The following SSPN variants were observed in gnomAD, a reference collection of about 807,000 sequenced individuals.
The protein encoded by SSPN is sarcospan.
Under a neutral mutation model 19.1 loss-of-function variants are expected in SSPN, and 15 were observed. That is an observed-to-expected ratio of 0.78 (90% confidence interval 0.52 to 1.21). The LOEUF (loss-of-function observed/expected upper bound fraction) is 1.21. SSPN is among the 50% of genes most tolerant of loss of function. The pLI, the probability that SSPN is intolerant of heterozygous loss-of-function variation, is 0.00. For synonymous variants in SSPN, 147 were observed against 140.3 expected, an observed-to-expected ratio of 1.05 and a Z score of -0.34; for missense variants, 291 against 314.0, an observed-to-expected ratio of 0.93 and a Z score of 0.55.
chr12:26,227,767 A>G (rs1945192287), intron 2 of SSPN, among the ~76,000 whole-genome samples: 1 of 152,222 alleles, frequency 6.6e-6, no homozygotes, highest in African/African-American at 2.4e-5. Context: ...TCATCATGCC[A>G]AGTTTACAGA....
intron 1 of SSPN, among the ~76,000 whole-genome samples, chr12:26,135,918 G>C (rs1944422509): frequency 6.6e-6 from 1 of 152,032 alleles, no homozygotes; most frequent in Admixed American, 6.6e-5. Context: ...TAGAAATTCT[G>C]CTTCAGACAT....
chr12:26,231,653 A>T lies in SSPN; in HGVS notation c.*577A>T, dbSNP rs1213640615. ...AGGCTTTGCAAAAGGCTAGATAACT[A>T]ACAACACCTGGGTTGGGGCGGCGGC... On this transcript the variant is annotated 3_prime_UTR_variant, in exon 3 of 3. Coordinates refer to ENST00000242729, the MANE Select transcript of SSPN (RefSeq NM_005086.5). 5 of 153,364 alleles carry T rather than the reference A, an allele frequency of 3.3e-5. No homozygotes were observed. The highest frequency in any genetic ancestry group is 2.9e-5 in the Non-Finnish European group (2 of 69,044). 9.5% of individuals were successfully genotyped at this position (153,364 alleles called of 1,614,324 possible).
intron 1 of SSPN, among the ~76,000 whole-genome samples, chr12:26,143,970 C>G (rs1038741961): frequency 1.3e-5 from 2 of 152,216 alleles, no homozygotes; most frequent in East Asian, 3.8e-4. Flanking sequence ...CCATCACCCC[C>G]ACATGGGACC....
chr12:26,232,251 T>A lies in SSPN; in HGVS notation c.*1175T>A. On this transcript the variant is annotated 3_prime_UTR_variant, in exon 3 of 3. Transcript: ENST00000242729. ...TAGTCAACCTAGGAAATCAAAATAA[T>A]GTTTTGAAGTTCTTATTTGAGCAAT... 1.0e-6 allele frequency: 1 copy of A among 985,424 alleles called. No individual in the cohort carries two copies. Among genetic ancestry groups the A allele is most frequent in the Non-Finnish European group, 1.2e-6 (1 of 829,918 alleles). 61.0% of individuals were successfully genotyped at this position (985,424 alleles called of 1,614,324 possible).
rs983760042 is a variant in SSPN at position 26,232,067 on chromosome 12, T to C, written c.*991T>C. The C allele has an allele frequency of 1.8e-5, 18 of 985,312 alleles. No homozygotes were observed. In the Admixed American group the frequency reaches 2.5e-4, roughly 13 times the overall value. 61.0% of individuals were successfully genotyped at this position (985,312 alleles called of 1,614,324 possible). A position where few individuals can be genotyped will look rare whatever the true frequency, so the allele number is the denominator to read the frequency against. On this transcript the variant is annotated 3_prime_UTR_variant, in exon 3 of 3. Transcript: ENST00000242729. ...ACCCATTTAAACAAAAACAAGAGCA[T>C]TTGTAATAGGAAGTGTTTATACAAA...
At chr12:26,184,263 T>C (rs1382566774) in intron 1 of SSPN, among the ~76,000 whole-genome samples, 1 of 152,232 alleles carries the variant, frequency 6.6e-6, no homozygotes, top group East Asian at 1.9e-4. Context: ...TACAACAACA[T>C]ATTTTAAGTG....
chr12:26,132,691 G>A (rs1379916377), intron 1 of SSPN, among the ~76,000 whole-genome samples: 1 of 152,108 alleles, frequency 6.6e-6, no homozygotes, highest in East Asian at 1.9e-4. Context: ...CCCCTTCCAA[G>A]CATATACAAT....
At chr12:26,226,667 C>T (rs1479023955) in intron 2 of SSPN, among the ~76,000 whole-genome samples, 1 of 152,154 alleles carries the variant, frequency 6.6e-6, no homozygotes, top group Non-Finnish European at 1.5e-5. Flanking sequence ...CGCTTCCTGC[C>T]TTTCCTAGTG....
At chr12:26,218,623 G>A (rs556708022) in intron 1 of SSPN, among the ~76,000 whole-genome samples, 1 of 152,172 alleles carries the variant, frequency 6.6e-6, no homozygotes, top group Admixed American at 6.5e-5. Context: ...CTTACCATAA[G>A]GCAGTGGCAA....
rs773262584 is a variant in SSPN at position 26,232,718 on chromosome 12, T to A, written c.*1642T>A. 1 of 984,602 alleles carries A rather than the reference T, an allele frequency of 1.0e-6. No homozygotes were observed. 61.0% of individuals were successfully genotyped at this position (984,602 alleles called of 1,614,324 possible). ...GCTAGAGGATTGTAAATATCTTTTATGTCCTCTAGATAAAACACCCGATTA... is the reference window on the plus strand; with the variant it reads ...GCTAGAGGATTGTAAATATCTTTTAAGTCCTCTAGATAAAACACCCGATTA... On this transcript the variant is annotated 3_prime_UTR_variant, in exon 3 of 3. Transcript: ENST00000242729.
chr12:26,222,840 G>A (rs74511344), intron 1 of SSPN, among the ~76,000 whole-genome samples: 1,744 of 152,250 alleles, frequency 0.011, 28 homozygotes, highest in African/African-American at 0.04. Flanking sequence ...CATGTCCACC[G>A]TCTTTTTGTC....
intron 1 of SSPN, among the ~76,000 whole-genome samples, chr12:26,196,701 C>T (rs1171718940): frequency 6.6e-6 from 1 of 152,196 alleles, no homozygotes; most frequent in Non-Finnish European, 1.5e-5. Context: ...CTACTGTGTG[C>T]TCGCCCTGCT....
At chr12:26,123,998 A>G in intron 1 of SSPN, 1 of 1,055,190 alleles carries the variant, frequency 9.5e-7, no homozygotes, top group Non-Finnish European at 1.5e-6. Flanking sequence ...ATTTATTCTT[A>G]TATTTTCTGG....
At chr12:26,204,263 C>T (rs1005549349) in intron 1 of SSPN, among the ~76,000 whole-genome samples, 1 of 152,118 alleles carries the variant, frequency 6.6e-6, no homozygotes, top group Non-Finnish European at 1.5e-5. Context: ...CGGCTCCGTG[C>T]TCATGCCAGT....
chr12:26,124,068 T>A, intron 1 of SSPN: 1 of 1,579,988 alleles, frequency 6.3e-7, no homozygotes, highest in Non-Finnish European at 8.7e-7. Context: ...AATGTGCATC[T>A]TACTGTCAAT....
chr12:26,173,033 AG>A (rs1208858207), intron 1 of SSPN, among the ~76,000 whole-genome samples: 1 of 152,074 alleles, frequency 6.6e-6, no homozygotes, highest in East Asian at 1.9e-4. Flanking sequence ...ATTCCCTTTG[AG>A]GGCTCTTTGT....
Position 26,233,355 on chromosome 12 carries a change from T to TATATATATATATATATATATATATATAC in SSPN, c.*2280_*2281insTATATATATATATATATATATATATACA, listed in dbSNP as rs766583720. On this transcript the variant is annotated 3_prime_UTR_variant, in exon 3 of 3. Transcript: ENST00000242729. This position sits in a 1 kb window ranked among gnomAD's most constrained non-coding sequence, Gnocchi z 4.3. ...AGATATATATATATATATATACACA[T>TATATATATATATATATATATATATATAC]ACACACACACACACACATATATACT... 4.1e-5 allele frequency: 6 copies of TATATATATATATATATATATATATATAC among 146,604 alleles called. No homozygotes were observed. Among genetic ancestry groups the TATATATATATATATATATATATATATAC allele is most frequent in the African/African-American group, 1.6e-4 (6 of 37,974 alleles). The allele number at this position is 146,604 out of a possible 1,614,324, so 9.1% of individuals were successfully genotyped here.
At chr12:26,179,250 A>G (rs189399431) in intron 1 of SSPN, among the ~76,000 whole-genome samples, 1 of 152,236 alleles carries the variant, frequency 6.6e-6, no homozygotes, top group Non-Finnish European at 1.5e-5. Context: ...GTGCTTGAGG[A>G]ATGAAAGGAT....
intron 1 of SSPN, among the ~76,000 whole-genome samples, chr12:26,137,909 A>G (rs1022297886): frequency 1.3e-5 from 2 of 151,196 alleles, no homozygotes; most frequent in African/African-American, 2.4e-5. Flanking sequence ...CAAGTGACCT[A>G]CCCACCTCAG....
Sources: gnomAD v4.1 joint callset for allele counts (sites outside exome capture counted in the v4.1 genomes callset) on GRCh38, gnomAD v4.1.1 for gene constraint, Gnocchi (gnomAD v3.1) non-coding constraint, MANE v1.5 for transcripts, NCBI Gene and HGNC (gene_info 2026-07-23, HGNC 2026-07-21) for gene names.